The following PHLDB2 variants were observed in gnomAD, a reference collection of about 807,000 sequenced individuals.
The protein encoded by PHLDB2 is pleckstrin homology like domain family B member 2.
Under a neutral mutation model 123.6 loss-of-function variants are expected in PHLDB2, and 71 were observed. The observed-to-expected ratio is 0.57, with a 90% confidence interval of 0.47 to 0.70. PHLDB2 has a LOEUF of 0.70. PHLDB2 is among the 30% of genes least tolerant of loss of function. The pLI is 0.00. For missense variants in PHLDB2, 1,446 were observed against 1,519.5 expected (o/e 0.95, Z 0.80); for synonymous variants, 547 against 541.6 (o/e 1.01, Z -0.14).
chr3:111,973,867 G>A (rs2072377788), intron 17 of PHLDB2, 50 bp downstream of exon 17: 3 of 1,144,442 alleles, frequency 2.6e-6, no homozygotes, highest in Middle Eastern at 2.0e-4. Flanking sequence ...TAATTAAGAA[G>A]GGAAAAATAT....
chr3:111,768,460 G>A (rs903009225), intron 1 of PHLDB2, among the ~76,000 whole-genome samples: 3 of 152,194 alleles, frequency 2.0e-5, no homozygotes, highest in Admixed American at 2.0e-4. Flanking sequence ...GGTGAGAGGT[G>A]TAGTGCTAAA....
intron 2 of PHLDB2, among the ~76,000 whole-genome samples, chr3:111,907,782 G>A (rs566179680): frequency 7.1e-4 from 108 of 152,094 alleles, no homozygotes; most frequent in African/African-American, 2.5e-3. Context: ...GTGAGCCACC[G>A]TGGTCAGCTA....
chr3:111,924,395 C>T (rs2068698876), intron 5 of PHLDB2, among the ~76,000 whole-genome samples: 1 of 152,258 alleles, frequency 6.6e-6, no homozygotes, highest in African/African-American at 2.4e-5. Context: ...CAGGATACTG[C>T]CCAGTGTGCT....
chr3:111,808,429 C>T (rs1245332587), intron 1 of PHLDB2, among the ~76,000 whole-genome samples: 1 of 151,856 alleles, frequency 6.6e-6, no homozygotes, highest in African/African-American at 2.4e-5. Context: ...ACCTCCACAT[C>T]CTGTGCTGCC....
intron 1 of PHLDB2, among the ~76,000 whole-genome samples, chr3:111,780,550 A>G (rs1204243892): frequency 6.6e-6 from 1 of 151,686 alleles, no homozygotes; most frequent in Non-Finnish European, 1.5e-5. Context: ...GAGCCAAAAT[A>G]AATCTGTTTT....
intron 1 of PHLDB2, among the ~76,000 whole-genome samples, chr3:111,836,872 C>T (rs1299958960): frequency 1.3e-5 from 2 of 152,102 alleles, no homozygotes; most frequent in Admixed American, 1.3e-4. Context: ...CAGGTCCCTC[C>T]CTTGACACAT....
At chr3:111,772,068 A>AT in intron 1 of PHLDB2, among the ~76,000 whole-genome samples, 1 of 151,212 alleles carries the variant, frequency 6.6e-6, no homozygotes. Flanking sequence ...TGCTCCTCAA[A>AT]AAAAAGACTA....
At chr3:111,780,538 A>G (rs929779500) in intron 1 of PHLDB2, among the ~76,000 whole-genome samples, 5 of 151,692 alleles carry the variant, frequency 3.3e-5, no homozygotes, top group African/African-American at 1.2e-4. Context: ...CTCCAGAACC[A>G]TGAGCCAAAA....
At chr3:111,769,631 G>A (rs1006005252) in intron 1 of PHLDB2, among the ~76,000 whole-genome samples, 1 of 152,216 alleles carries the variant, frequency 6.6e-6, no homozygotes, top group Non-Finnish European at 1.5e-5. Context: ...TAGGGAACTG[G>A]AGTTCCTCAA....
At chr3:111,826,434 C>T (rs1162891188) in intron 1 of PHLDB2, among the ~76,000 whole-genome samples, 1 of 152,104 alleles carries the variant, frequency 6.6e-6, no homozygotes, top group Non-Finnish European at 1.5e-5. Flanking sequence ...ATAAAGCTGG[C>T]ACATTGGTGA....
intron 1 of PHLDB2, among the ~76,000 whole-genome samples, chr3:111,839,656 T>C (rs2063579098): frequency 2.0e-5 from 3 of 152,206 alleles, no homozygotes. Flanking sequence ...AATCGATTTT[T>C]TTCTTTTTTA....
At chr3:111,873,696 A>T (rs1319536852) in intron 1 of PHLDB2, among the ~76,000 whole-genome samples, 1 of 152,132 alleles carries the variant, frequency 6.6e-6, no homozygotes, top group Admixed American at 6.5e-5. Context: ...CCCTCAACTT[A>T]GTTCTGTTTC....
In PHLDB2 at chr3:111,957,998, C is replaced by T. The variant is rs2071160928; in HGVS notation, c.2872+3969C>T. 6 of 152,178 alleles carry T rather than the reference C, an allele frequency of 3.9e-5. No homozygotes were observed. The South Asian group carries it at 1.2e-3, about 31-fold the overall frequency. 9.4% of individuals were successfully genotyped at this position (152,178 alleles called of 1,614,324 possible). Reference sequence around the variant, plus strand: ...TGTGAAAGATTTATTTGTCTTGTAACAGTCTTTTTTGACTATGCATGTATC... The same window carrying T: ...TGTGAAAGATTTATTTGTCTTGTAATAGTCTTTTTTGACTATGCATGTATC... On this transcript the variant is annotated intron_variant, in intron 12 of 17. Coordinates refer to ENST00000431670, the MANE Select transcript of PHLDB2 (RefSeq NM_001134438.2).
intron 9 of PHLDB2, among the ~76,000 whole-genome samples, chr3:111,946,904 T>C (rs193081447): frequency 1.1e-3 from 175 of 152,276 alleles, no homozygotes; most frequent in Middle Eastern, 3.4e-3. Context: ...GTGGCTTGAA[T>C]TGGAGGATGG....
chr3:111,814,423 C>T (rs1228637877), intron 1 of PHLDB2, among the ~76,000 whole-genome samples: 2 of 152,064 alleles, frequency 1.3e-5, no homozygotes, highest in Admixed American at 6.6e-5. Context: ...TCTCCTTGCT[C>T]CTGAACTTGA....
chr3:111,948,537 A>G (rs962463921), intron 9 of PHLDB2, among the ~76,000 whole-genome samples: 14 of 152,184 alleles, frequency 9.2e-5, no homozygotes, highest in African/African-American at 3.4e-4. Flanking sequence ...TTAGGGAATG[A>G]GTGATTGCAT....
intron 15 of PHLDB2, among the ~76,000 whole-genome samples, 175 bp from the exon 16 acceptor site, chr3:111,969,515 A>G (rs2072032333): frequency 6.6e-6 from 1 of 152,238 alleles, no homozygotes; most frequent in African/African-American, 2.4e-5. Flanking sequence ...CTTTCTGAAA[A>G]TACTATCCAC....
chr3:111,945,919 C>T (rs567247518), intron 9 of PHLDB2, among the ~76,000 whole-genome samples: 2 of 152,230 alleles, frequency 1.3e-5, no homozygotes, highest in African/African-American at 2.4e-5. Context: ...CCACCTTTCC[C>T]CAGTCCCCAT....
At chr3:111,859,840 C>A (rs2064721089) in intron 1 of PHLDB2, 45 of 985,946 alleles carry the variant, frequency 4.6e-5, no homozygotes, top group Non-Finnish European at 5.4e-5. Flanking sequence ...AGGGCGGCGG[C>A]GCCAGCGTAG....
Sources: allele counts gnomAD v4.1 joint callset (sites outside exome capture counted in the v4.1 genomes callset), GRCh38; gene constraint gnomAD v4.1.1; transcripts MANE v1.5; gene names NCBI Gene and HGNC (gene_info 2026-07-23, HGNC 2026-07-21).